Variants in SEMA6A observed in about 807,000 individuals in gnomAD.
SEMA6A encodes the protein semaphorin-6A.
Under a neutral mutation model 96.8 loss-of-function variants are expected in SEMA6A, and 25 were observed. That is an observed-to-expected ratio of 0.26 (90% CI 0.19 to 0.36). The LOEUF (loss-of-function observed/expected upper bound fraction) is 0.36. SEMA6A is among the 10% of genes least tolerant of loss of function. The probability of loss-of-function intolerance (pLI) is 1.00; values close to 1 mark genes in which losing one functional copy is unlikely to be tolerated. For synonymous variants in SEMA6A, 612 were observed against 518.0 expected, an observed-to-expected ratio of 1.18 and a Z score of -2.46; for missense variants, 1,363 against 1,323.1, an observed-to-expected ratio of 1.03 and a Z score of -0.47.
At chr5:116,473,117 G>C in intron 16 of SEMA6A, 24 bp from the exon 17 acceptor site, 2 of 1,586,910 alleles carry the variant, frequency 1.3e-6, no homozygotes, top group Non-Finnish European at 1.7e-6. Context: ...GGGAGGAGAA[G>C]GTTACTTAAT....
intron 18 of SEMA6A, among the ~76,000 whole-genome samples, chr5:116,465,528 C>T (rs1354297953): frequency 6.6e-6 from 1 of 152,190 alleles, no homozygotes; most frequent in East Asian, 1.9e-4. Context: ...AGCACAAGAA[C>T]AGTGATCATG....
In SEMA6A at chr5:116,444,207, T is replaced by C. The variant is rs1403421846; in HGVS notation, c.*2406A>G. 6.6e-6 allele frequency: 1 copy of C among 150,930 alleles called. No homozygotes were observed. The highest frequency in any genetic ancestry group is 2.4e-5 in the African/African-American group (1 of 40,906). The allele number at this position is 150,930 out of a possible 1,614,324, so 9.3% of individuals were successfully genotyped here. A position where few individuals can be genotyped will look rare whatever the true frequency, so the allele number is the denominator to read the frequency against. On this transcript the variant is annotated 3_prime_UTR_variant, in exon 19 of 19. Transcript: ENST00000343348. Reference sequence around the variant, plus strand: ...TTCAGGAGACAGAGTTCACAGGATGTGAACATGGATTCCATTACAAAAGCC... The same window carrying C: ...TTCAGGAGACAGAGTTCACAGGATGCGAACATGGATTCCATTACAAAAGCC...
At chr5:116,520,990 AAAAG>A (rs1758921623) in intron 1 of SEMA6A, among the ~76,000 whole-genome samples, 1 of 152,218 alleles carries the variant, frequency 6.6e-6, no homozygotes, top group African/African-American at 2.4e-5. Flanking sequence ...TCAAAAGACC[AAAAG>A]AAAGTCCTCA....
At chr5:116,474,278 G>GCACACACACACACA (rs113731062) in intron 16 of SEMA6A, among the ~76,000 whole-genome samples, 3,528 of 147,344 alleles carry the variant, frequency 0.024, 55 homozygotes, top group African/African-American at 0.036. Context: ...GTGCACGCAT[G>GCACACACACACACA]CACACACACA....
chr5:116,506,788 G>C (rs1001905885), intron 1 of SEMA6A, among the ~76,000 whole-genome samples: 1 of 152,122 alleles, frequency 6.6e-6, no homozygotes, highest in East Asian at 1.9e-4. Context: ...AGCATATAAT[G>C]AAAGAAAGGA....
intron 6 of SEMA6A, among the ~76,000 whole-genome samples, chr5:116,495,060 G>C (rs1757521218): frequency 6.6e-6 from 1 of 152,142 alleles, no homozygotes; most frequent in Non-Finnish European, 1.5e-5. Context: ...CACCATATAA[G>C]TGTGCTTTTG....
At chr5:116,573,360 C>G (rs1761316403) in intron 1 of SEMA6A, among the ~76,000 whole-genome samples, 1 of 152,060 alleles carries the variant, frequency 6.6e-6, no homozygotes, top group Admixed American at 6.5e-5. Flanking sequence ...GCGTACCGTG[C>G]GCCAGCCCGG....
At chr5:116,454,687 C>T (rs1326583809) in intron 18 of SEMA6A, among the ~76,000 whole-genome samples, 49 of 152,164 alleles carry the variant, frequency 3.2e-4, no homozygotes. Flanking sequence ...TTCTTCTTGT[C>T]TTACGGCATA....
At chr5:116,487,881 A>C (rs2112720123) in intron 9 of SEMA6A, among the ~76,000 whole-genome samples, 1 of 152,256 alleles carries the variant, frequency 6.6e-6, no homozygotes, top group East Asian at 1.9e-4. Flanking sequence ...AAAAAAAGAT[A>C]CTTGAATCTC....
At chr5:116,551,893 G>A (rs544244744) in intron 1 of SEMA6A, among the ~76,000 whole-genome samples, 1 of 152,274 alleles carries the variant, frequency 6.6e-6, no homozygotes, top group South Asian at 2.1e-4. Flanking sequence ...CGTATCAGGA[G>A]CCATCAACTT....
rs141964534 is a variant in SEMA6A at position 116,543,705 on chromosome 5, C to G, written c.-39+30480G>C. Reference sequence around the variant, plus strand: ...CACAGATTAGGTAGCAGAAATACCACTTCCACATGCTGACACAAGTTTGTG... The same window carrying G: ...CACAGATTAGGTAGCAGAAATACCAGTTCCACATGCTGACACAAGTTTGTG... On this transcript the variant is annotated intron_variant, in intron 1 of 18. Transcript: ENST00000343348. Among the ~76,000 whole-genome samples, 188 of 152,322 alleles carry G rather than the reference C, an allele frequency of 1.2e-3. 1 individual carries two copies. The highest frequency in any genetic ancestry group is 4.3e-3 in the African/African-American group (180 of 41,572).
intron 1 of SEMA6A, among the ~76,000 whole-genome samples, chr5:116,550,880 C>T (rs1222210000): frequency 1.3e-5 from 2 of 152,114 alleles, no homozygotes; most frequent in East Asian, 3.9e-4. Context: ...ATACTTCAGC[C>T]CTGGAGATCA....
chr5:116,556,493 C>A (rs1006917970), intron 1 of SEMA6A, among the ~76,000 whole-genome samples: 2 of 152,094 alleles, frequency 1.3e-5, no homozygotes, highest in Admixed American at 6.5e-5. Context: ...CATTCTGGTG[C>A]ATATTGTTTC....
intron 2 of SEMA6A, among the ~76,000 whole-genome samples, chr5:116,502,986 G>C (rs194450): frequency 0.35 from 52,536 of 152,052 alleles, 9,159 homozygotes; most frequent in East Asian, 0.41. Context: ...CCAGTCAGGT[G>C]ATCTGAAATT....
chr5:116,573,856 G>A (rs1428897843), intron 1 of SEMA6A, among the ~76,000 whole-genome samples: 3 of 152,062 alleles, frequency 2.0e-5, no homozygotes, highest in Non-Finnish European at 2.9e-5. Context: ...GCGGGAGGAT[G>A]AGCCTTGGGT....
At chr5:116,532,317 T>G (rs1283092051) in intron 1 of SEMA6A, among the ~76,000 whole-genome samples, 1 of 152,092 alleles carries the variant, frequency 6.6e-6, no homozygotes, top group African/African-American at 2.4e-5. Context: ...GTATAGAAAG[T>G]GGGGTCAGGC....
Position 116,519,413 on chromosome 5 carries a change from A to G in SEMA6A, c.-38-14431T>C, listed in dbSNP as rs1321961943. Among the ~76,000 whole-genome samples the G allele has an allele frequency of 2.0e-5, 3 of 152,232 alleles. 1 individual carries two copies. The East Asian group carries it at 5.8e-4, about 29-fold the overall frequency. Reference sequence around the variant, plus strand: ...GAAAATATCGTACAAGTGTGTAGGCATTGAAAGGATGTTCCTTTGACTGTT... The same window carrying G: ...GAAAATATCGTACAAGTGTGTAGGCGTTGAAAGGATGTTCCTTTGACTGTT... On this transcript the variant is annotated intron_variant, in intron 1 of 18. Transcript: ENST00000343348.
rs564772986 is a variant in SEMA6A, at chr5:116,497,430, A to C, written c.219-43T>G. 5.2e-5 allele frequency: 64 copies of C among 1,226,048 alleles called. No homozygotes were observed. The East Asian group carries it at 1.5e-3, about 29-fold the overall frequency. The allele number at this position is 1,226,048 out of a possible 1,614,324, so 75.9% of individuals were successfully genotyped here. On this transcript the variant is annotated intron_variant, in intron 3 of 18. Coordinates refer to ENST00000343348, the MANE Select transcript of SEMA6A (RefSeq NM_020796.5). The stretch of plus-strand genomic sequence containing the variant: ...TTAATACAAGGTCAAACACAGAGTC[A>C]AAACAGTTCATTTTCTGCTTAATGA...
chr5:116,517,372 G>A (rs1042556737), intron 1 of SEMA6A, among the ~76,000 whole-genome samples: 1 of 151,964 alleles, frequency 6.6e-6, no homozygotes, highest in African/African-American at 2.4e-5. Context: ...ATGGAGAAAG[G>A]AAATCCTTGA....
Sources: allele counts gnomAD v4.1 joint callset (sites outside exome capture counted in the v4.1 genomes callset), GRCh38; gene constraint gnomAD v4.1.1; transcripts MANE v1.5; gene names NCBI Gene and HGNC (gene_info 2026-07-23, HGNC 2026-07-21).